CCT3: variants seen among roughly 807,000 people sequenced by gnomAD.
CCT3 encodes the protein chaperonin containing TCP1 subunit 3.
A neutral mutation model predicts 65.3 loss-of-function variants in CCT3; 10 were observed. That is an observed-to-expected ratio of 0.15 (90% CI 0.09 to 0.26). CCT3 has a LOEUF of 0.26. Among genes scored for constraint, CCT3 ranks in the 10% least tolerant of loss-of-function variants. CCT3 has a pLI of 1.00. For missense variants in CCT3, 626 were observed against 708.7 expected (o/e 0.88, Z 1.33); for synonymous variants, 225 against 242.3 (o/e 0.93, Z 0.66).
Position 156,320,925 on chromosome 1 carries a change from T to C in CCT3, c.523A>G (p.Ile175Val), listed in dbSNP as rs994639137. 9 of 1,614,032 alleles carry C rather than the reference T, an allele frequency of 5.6e-6. No individual in the cohort carries two copies. Among genetic ancestry groups the C allele is most frequent in the East Asian group, 2.2e-5 (1 of 44,884 alleles). The change falls in exon 7 of 14, where the codon ATT (isoleucine) becomes GTT (valine). Residue 175 changes from isoleucine (I) to valine (V), a missense_variant. By Grantham distance (29) the Ile-to-Val change is conservative. Coordinates refer to ENST00000295688, the MANE Select transcript of CCT3 (RefSeq NM_005998.5). ...ISRWSSLACN[I>V]ALDAVKMVQF... ...ACCATCTTGACAGCATCCAGGGCAA[T>C]GTTGCAAGCCAAAGATGACCACCGA... is the stretch of plus-strand genomic sequence containing the variant.
chr1:156,322,752 G>A (rs1449352857), intron 6 of CCT3, among the ~76,000 whole-genome samples: 2 of 152,024 alleles, frequency 1.3e-5, no homozygotes, highest in Admixed American at 6.6e-5. Context: ...CCAGCTACTC[G>A]GGAGGCTGAG....
rs534460308 is a variant in CCT3 at position 156,324,048 on chromosome 1, C to G, written c.422+924G>C. ...AAAGTGCTAGGATTACAGGTGTGAG[C>G]CACCATGCCCAGCCCAAGTCTTACT... is the stretch of plus-strand genomic sequence containing the variant. On this transcript the variant is annotated intron_variant, in intron 6 of 13. Transcript: ENST00000295688. 1.7e-4 allele frequency among the ~76,000 whole-genome samples: 26 copies of G among 151,374 alleles called. No individual in the cohort carries two copies. The Middle Eastern group carries it at 0.01, about 60-fold the overall frequency.
At chr1:156,338,055 G>A in intron 1 of CCT3, 99 bp downstream of exon 1, 2 of 1,324,762 alleles carry the variant, frequency 1.5e-6, no homozygotes, top group South Asian at 2.5e-5. Context: ...GGAAGGCTCA[G>A]TGGCCCGGTC....
intron 5 of CCT3, among the ~76,000 whole-genome samples, chr1:156,326,865 T>G (rs1174353647): frequency 4.6e-5 from 7 of 151,880 alleles, no homozygotes; most frequent in Non-Finnish European, 8.8e-5. Flanking sequence ...CTGGACAACA[T>G]GGTGAAACTG....
intron 7 of CCT3, 101 bp from the exon 8 acceptor site, chr1:156,319,118 T>TTG: frequency 9.4e-7 from 1 of 1,061,860 alleles, no homozygotes; most frequent in Non-Finnish European, 1.3e-6. Flanking sequence ...GTTTCAGGTT[T>TTG]TTTTTTTTTT....
intron 2 of CCT3, 33 bp downstream of exon 2, chr1:156,335,794 C>T (rs754062172): frequency 6.3e-7 from 1 of 1,589,390 alleles, no homozygotes; most frequent in Non-Finnish European, 8.6e-7. Context: ...TAGCTGGAGG[C>T]AAACTACCAT....
intron 1 of CCT3, chr1:156,337,078 C>G: frequency 7.8e-7 from 1 of 1,285,394 alleles, no homozygotes; most frequent in South Asian, 1.2e-5. Flanking sequence ...TGGAAACATA[C>G]CAAAGGAAGA....
At chr1:156,316,066 C>T (rs1357801749) in intron 10 of CCT3, among the ~76,000 whole-genome samples, 1 of 151,600 alleles carries the variant, frequency 6.6e-6, no homozygotes, top group East Asian at 1.9e-4. Context: ...TCCGCAGGTC[C>T]CGCATCCAGA....
chr1:156,323,281 G>T (rs921734726), intron 6 of CCT3, among the ~76,000 whole-genome samples: 1 of 144,038 alleles, frequency 6.9e-6, no homozygotes, highest in Non-Finnish European at 1.5e-5. Flanking sequence ...TTGCACTCCA[G>T]ACTGGGCAAC....
chr1:156,319,669 C>T (rs1664467716), intron 7 of CCT3, among the ~76,000 whole-genome samples: 1 of 151,972 alleles, frequency 6.6e-6, no homozygotes, highest in African/African-American at 2.4e-5. Context: ...GCCGGGAGTT[C>T]GAGACCAGCC....
At chr1:156,336,272 A>T (rs1292404707) in intron 1 of CCT3, among the ~76,000 whole-genome samples, 1 of 135,714 alleles carries the variant, frequency 7.4e-6, no homozygotes, top group Non-Finnish European at 1.6e-5. Context: ...AAAATGAGAG[A>T]TACTGCAATT....
Position 156,309,222 on chromosome 1 carries a change from C to G in CCT3, c.1615G>C (p.Ala539Pro). 6.2e-7 allele frequency: 1 copy of G among 1,613,208 alleles called. No homozygotes were observed. Among genetic ancestry groups the G allele is most frequent in the Non-Finnish European group, 8.5e-7 (1 of 1,179,194 alleles). Reference protein sequence around the residue: ...KGDDQSRQGGAPDAGQE With the variant: ...KGDDQSRQGGPPDAGQE ...ACTCACTCCTGGCCAGCATCAGGAGCCCCGCCTTGCCGGCTCTGGTCATCG... is the reference window on the plus strand; with the variant it reads ...ACTCACTCCTGGCCAGCATCAGGAGGCCCGCCTTGCCGGCTCTGGTCATCG... Residue 539 changes from alanine (A) to proline (P), a missense_variant, in exon 14 of 14, where the codon GCT (alanine) becomes CCT (proline). Physicochemically the swap from Ala to Pro is conservative, Grantham distance 27. Transcript: ENST00000295688.
At chr1:156,310,121 C>G (rs925746163) in intron 13 of CCT3, among the ~76,000 whole-genome samples, 3 of 149,588 alleles carry the variant, frequency 2.0e-5, no homozygotes, top group South Asian at 2.1e-4. Context: ...GCTTTTAGTA[C>G]GAGCTAAAGA....
intron 10 of CCT3, among the ~76,000 whole-genome samples, chr1:156,314,920 T>C (rs561205081): frequency 2.9e-4 from 44 of 152,292 alleles, no homozygotes; most frequent in African/African-American, 1.0e-3. Flanking sequence ...CCTTCTATGA[T>C]AGAGGCACTG....
intron 7 of CCT3, among the ~76,000 whole-genome samples, chr1:156,319,253 C>T (rs1404048949): frequency 6.6e-6 from 1 of 151,378 alleles, no homozygotes; most frequent in African/African-American, 2.4e-5. Flanking sequence ...GCTGGGACTA[C>T]AGGCGCCCGC....
chr1:156,317,175 C>T lies in CCT3; in HGVS notation c.965G>A (p.Arg322His), dbSNP rs1664345206. 1.2e-6 allele frequency: 2 copies of T among 1,613,974 alleles called. No homozygotes were observed. Among genetic ancestry groups the T allele is most frequent in the Non-Finnish European group, 1.7e-6 (2 of 1,179,840 alleles). ...IRRVRKTDNN[R>H]IARACGARIV... Reference sequence around the variant, plus strand: ...TACCTGGCCTACTCACCTAGCAATGCGATTATTGTCTGTCTTCCGGACTCT... The same window carrying T: ...TACCTGGCCTACTCACCTAGCAATGTGATTATTGTCTGTCTTCCGGACTCT... Residue 322 changes from arginine to histidine, a missense_variant, in exon 10 of 14, where the codon CGC becomes CAC. Coordinates refer to ENST00000295688, the MANE Select transcript of CCT3 (RefSeq NM_005998.5).
Position 156,338,167 on chromosome 1 carries a change from T to G in CCT3, c.18A>C (p.Pro6=), listed in dbSNP as rs761995263. 1 of 1,589,186 alleles carries G rather than the reference T, an allele frequency of 6.3e-7. No individual in the cohort carries two copies. The highest frequency in any genetic ancestry group is 8.5e-7 in the Non-Finnish European group (1 of 1,169,604). The change falls in exon 1 of 14, where the codon CCA becomes CCC. Residue 6 remains proline, a synonymous_variant. Coordinates refer to ENST00000295688, the MANE Select transcript of CCT3 (RefSeq NM_005998.5). The part of the protein sequence containing the change: MMGHR[P]VLVLSQNTKR... ...CCCAGAACTCACTGAGCACGAGCACTGGACGATGGCCCATCATGGCGACGC... is the reference window on the plus strand; with the variant it reads ...CCCAGAACTCACTGAGCACGAGCACGGGACGATGGCCCATCATGGCGACGC...
chr1:156,313,664 A>G (rs1664182831), intron 10 of CCT3, among the ~76,000 whole-genome samples: 1 of 152,206 alleles, frequency 6.6e-6, no homozygotes. Flanking sequence ...CTGCCTTTTA[A>G]AGTGCTTCTG....
intron 7 of CCT3, 51 bp downstream of exon 7, chr1:156,320,788 G>A (rs1664518821): frequency 8.2e-7 from 1 of 1,225,178 alleles, no homozygotes; most frequent in African/African-American, 1.5e-5. Flanking sequence ...CAAGTGAGAT[G>A]ACTCATGCTA....
Sources: allele counts gnomAD v4.1 joint callset (sites outside exome capture counted in the v4.1 genomes callset), GRCh38; gene constraint gnomAD v4.1.1; transcripts MANE v1.5; gene names NCBI Gene and HGNC (gene_info 2026-07-23, HGNC 2026-07-21).